The following TRIM34 variants were observed in gnomAD, a reference collection of about 807,000 sequenced individuals.
TRIM34 encodes E3 ubiquitin-protein ligase TRIM34.
A neutral mutation model predicts 38.1 loss-of-function variants in TRIM34; 41 were observed. The ratio of observed to expected loss-of-function variants is 1.08; its 90% CI spans 0.84 to 1.40. The LOEUF is 1.40. Among genes scored for constraint, TRIM34 ranks in the 40% most tolerant of loss-of-function variants. The pLI, the probability that TRIM34 is intolerant of heterozygous loss-of-function variation, is 0.00. For missense variants in TRIM34, 556 were observed against 571.4 expected (o/e 0.97, Z 0.27); for synonymous variants, 200 against 202.5 (o/e 0.99, Z 0.10).
At chr11:5,642,706 C>A in intron 6 of TRIM34, 111 bp from the exon 7 acceptor site, 1 of 1,484,376 alleles carries the variant, frequency 6.7e-7, no homozygotes, top group Non-Finnish European at 9.1e-7. Flanking sequence ...AATTCACTAG[C>A]TCACAGCTTC....
rs201419504 is a variant in TRIM34, at chr11:5,643,124, T to G, written c.902-20T>G. On this transcript the variant is annotated intron_variant, in intron 7 of 7. Transcript: ENST00000429814. Reference sequence around the variant, plus strand: ...GATTATATTCATATACATATATATATATTTTTTTTTTTCTTGCAGTGGATG... The same window carrying G: ...GATTATATTCATATACATATATATAGATTTTTTTTTTTCTTGCAGTGGATG... The G allele has an allele frequency of 7.9e-6, 9 of 1,133,124 alleles. No individual in the cohort carries two copies. Among genetic ancestry groups the G allele is most frequent in the Non-Finnish European group, 1.0e-5 (9 of 897,550 alleles). The allele number at this position is 1,133,124 out of a possible 1,614,324, so 70.2% of individuals were successfully genotyped here.
chr11:5,632,652 C>T lies in TRIM34; in HGVS notation c.321C>T (p.Phe107=), dbSNP rs1849530177. 5.6e-6 allele frequency: 9 copies of T among 1,612,808 alleles called. No homozygotes were observed. Among genetic ancestry groups the T allele is most frequent in the Non-Finnish European group, 7.6e-6 (9 of 1,179,808 alleles). The part of the protein sequence containing the change: ...CDHHGEKLLL[F]CKEDRKVICW... The stretch of plus-strand genomic sequence containing the variant: ...ATCATGGAGAGAAACTCCTACTCTT[C>T]TGTAAGGAGGATAGGAAAGTCATTT... Residue 107 remains phenylalanine (F), a synonymous_variant, in exon 2 of 8, where the codon TTC becomes TTT. Transcript: ENST00000429814.
chr11:5,624,144 C>A (rs900862358), upstream of TRIM34, among the ~76,000 whole-genome samples: 1 of 152,138 alleles, frequency 6.6e-6, no homozygotes, highest in Non-Finnish European at 1.5e-5. Context: ...CCCTTTCTGT[C>A]CAGGGCACAA....
chr11:5,643,585 A>G lies in TRIM34; in HGVS notation c.1343A>G (p.Asn448Ser). Reference sequence around the variant, plus strand: ...GAAGCAGGCATTGTCTCATTTTTCAATGTCACAAGCCATGGCTCCCTCATT... The same window carrying G: ...GAAGCAGGCATTGTCTCATTTTTCAGTGTCACAAGCCATGGCTCCCTCATT... ...DYEAGIVSFF[N>S]VTSHGSLIYK... The change falls in exon 8 of 8, where the codon AAT becomes AGT. Residue 448 changes from asparagine to serine, a missense_variant. Coordinates refer to ENST00000429814, the MANE Select transcript of TRIM34 (RefSeq NM_021616.6). 2 of 1,614,082 alleles carry G rather than the reference A, an allele frequency of 1.2e-6. No individual in the cohort carries two copies. Among genetic ancestry groups the G allele is most frequent in the Non-Finnish European group, 1.7e-6 (2 of 1,179,990 alleles).
rs781352779 is a variant in TRIM34 at position 5,643,709 on chromosome 11, A to T, written c.1467A>T (p.Ter489CysextTer35). The T allele has an allele frequency of 6.4e-7, 1 of 1,572,004 alleles. No individual in the cohort carries two copies. The highest frequency in any genetic ancestry group is 1.2e-5 in the South Asian group (1 of 82,956). ...TGACTCTATGCCCACCAAGCTCTTG[A>T]ATTTTCTCATTTCTTCACCTACAAC... ...APMTLCPPSS[*>C] is the part of the protein sequence containing the mutation. Residue 489 changes from the stop codon to cysteine, a stop_lost, in exon 8 of 8, where the codon TGA (stop) becomes TGT (cysteine). Coordinates refer to ENST00000429814, the MANE Select transcript of TRIM34 (RefSeq NM_021616.6).
chr11:5,628,308 G>C (rs535452123), intron 1 of TRIM34, among the ~76,000 whole-genome samples: 1 of 152,310 alleles, frequency 6.6e-6, no homozygotes, highest in South Asian at 2.1e-4. Context: ...AGATAACAAA[G>C]AACCCCACAT....
At chr11:5,630,430 A>G (rs1394010876) in intron 1 of TRIM34, among the ~76,000 whole-genome samples, 2 of 152,072 alleles carry the variant, frequency 1.3e-5, no homozygotes, top group African/African-American at 4.8e-5. Flanking sequence ...CATTGGAAAG[A>G]GACTGTCACT....
rs1177375278 is a variant in TRIM34, at chr11:5,634,756, G to C, written c.645G>C (p.Lys215Asn). 6.2e-7 allele frequency: 1 copy of C among 1,614,028 alleles called. No homozygotes were observed. The highest frequency in any genetic ancestry group is 1.3e-5 in the African/African-American group (1 of 74,916). Reference protein sequence around the residue: ...LEEEEKKTLDKFAEAEDELVQ... With the variant: ...LEEEEKKTLDNFAEAEDELVQ... ...AAGAAGAAAAGAAGACGCTGGATAA[G>C]TTTGCAGAGGCTGAGGATGAGCTAG... Residue 215 changes from lysine (K) to asparagine (N), a missense_variant, in exon 4 of 8, where the codon AAG becomes AAC. Coordinates refer to ENST00000429814, the MANE Select transcript of TRIM34 (RefSeq NM_021616.6).
intron 5 of TRIM34, 25 bp from the exon 6 acceptor site, chr11:5,642,381 G>A (rs537769532): frequency 2.8e-5 from 45 of 1,606,372 alleles, no homozygotes; most frequent in Admixed American, 3.4e-5. Flanking sequence ...AGATGTGGGG[G>A]TCAAAAAATT....
chr11:5,643,967 T>C lies in TRIM34; in HGVS notation c.*258T>C. 1 of 509,390 alleles carries C rather than the reference T, an allele frequency of 2.0e-6. No homozygotes were observed. 31.6% of individuals were successfully genotyped at this position (509,390 alleles called of 1,614,324 possible). On this transcript the variant is annotated 3_prime_UTR_variant, in exon 8 of 8. Transcript: ENST00000429814. ...TGGGTATAACATCCTTGCCTTCCCA[T>C]TTATCCATGTTTCACTTTATCACTG...
rs745849246 is a variant in TRIM34 at position 5,643,125 on chromosome 11, A to ATTTTTT, written c.902-13_902-8dup. ...ATTATATTCATATACATATATATAT[A>ATTTTTT]TTTTTTTTTTTCTTGCAGTGGATGT... On this transcript the variant is annotated intron_variant, in intron 7 of 7. Transcript: ENST00000429814. 5 of 974,266 alleles carry ATTTTTT rather than the reference A, an allele frequency of 5.1e-6. No homozygotes were observed. Among genetic ancestry groups the ATTTTTT allele is most frequent in the African/African-American group, 2.1e-5 (1 of 46,550 alleles). The allele number at this position is 974,266 out of a possible 1,614,324, so 60.4% of individuals were successfully genotyped here. A position where few individuals can be genotyped will look rare whatever the true frequency, so the allele number is the denominator to read the frequency against.
upstream of TRIM34, among the ~76,000 whole-genome samples, chr11:5,623,739 A>T (rs1849088076): frequency 6.6e-6 from 1 of 151,842 alleles, no homozygotes; most frequent in Admixed American, 6.6e-5. Context: ...ATAGTAATTG[A>T]CTCCCTTAAA....
chr11:5,641,354 G>GT (rs1850004548), intron 5 of TRIM34, 165 bp downstream of exon 5: 1 of 1,462,732 alleles, frequency 6.8e-7, no homozygotes, highest in Non-Finnish European at 9.1e-7. Context: ...TGAGTGTTCC[G>GT]TAACTATTAA....
intron 4 of TRIM34, among the ~76,000 whole-genome samples, chr11:5,639,718 G>C (rs911708261): frequency 3.4e-4 from 50 of 145,586 alleles, no homozygotes; most frequent in African/African-American, 1.2e-3. Flanking sequence ...GATTGGAAGA[G>C]GTTGCCTATA....
Position 5,632,278 on chromosome 11 carries a change from A to G in TRIM34, c.-54A>G, listed in dbSNP as rs769645011. 1.1e-5 allele frequency: 17 copies of G among 1,611,646 alleles called. No individual in the cohort carries two copies. The highest frequency in any genetic ancestry group is 8.5e-7 in the Non-Finnish European group (1 of 1,178,958). Reference sequence around the variant, plus strand: ...AGCCATCCAGGGGTCTTTAACCAGAAGAGAGAGGAGAGCCTCAGGAGTTAG... The same window carrying G: ...AGCCATCCAGGGGTCTTTAACCAGAGGAGAGAGGAGAGCCTCAGGAGTTAG... On this transcript the variant is annotated 5_prime_UTR_variant, in exon 2 of 8. Transcript: ENST00000429814.
At chr11:5,637,948 C>A (rs1293213455) in intron 4 of TRIM34, among the ~76,000 whole-genome samples, 1 of 152,174 alleles carries the variant, frequency 6.6e-6, no homozygotes, top group African/African-American at 2.4e-5. Flanking sequence ...CCCCATTTTT[C>A]TGGTAATAAC....
At chr11:5,623,100 T>A (rs2133898875), upstream of TRIM34, among the ~76,000 whole-genome samples, 1 of 140,870 alleles carries the variant, frequency 7.1e-6, no homozygotes, top group South Asian at 2.3e-4. Flanking sequence ...GAGTTCTGTC[T>A]GGAGCTTTTT....
At chr11:5,636,811 A>G (rs1239428558) in intron 4 of TRIM34, among the ~76,000 whole-genome samples, 2 of 152,202 alleles carry the variant, frequency 1.3e-5, no homozygotes, top group Non-Finnish European at 2.9e-5. Flanking sequence ...TTATTCTTTT[A>G]TCTGAGTAGG....
chr11:5,641,351 TC>T, intron 5 of TRIM34, 162 bp downstream of exon 5: 1 of 1,471,546 alleles, frequency 6.8e-7, no homozygotes, highest in Non-Finnish European at 9.1e-7. Context: ...ATTTGAGTGT[TC>T]CGTAACTATT....
Sources: gnomAD v4.1 joint callset for allele counts (sites outside exome capture counted in the v4.1 genomes callset) on GRCh38, gnomAD v4.1.1 for gene constraint, MANE v1.5 for transcripts, NCBI Gene and HGNC (gene_info 2026-07-23, HGNC 2026-07-21) for gene names.